Variants in CD72 observed in about 807,000 individuals in gnomAD.
The protein encoded by CD72 is B-cell differentiation antigen CD72.
Under a neutral mutation model 50.7 loss-of-function variants are expected in CD72, and 28 were observed. The observed-to-expected ratio is 0.55, with a 90% CI of 0.41 to 0.76. The LOEUF is 0.76. Ranked by LOEUF, CD72 falls within the 30% of genes least tolerant of loss-of-function variation. CD72 has a pLI of 0.00. For synonymous variants in CD72, 176 were observed against 171.2 expected (o/e 1.03, Z -0.22); for missense variants, 403 against 420.6 (o/e 0.96, Z 0.37).
intron 1 of CD72, among the ~76,000 whole-genome samples, chr9:35,644,104 T>C (rs543965243): frequency 7.4e-5 from 11 of 149,354 alleles, no homozygotes; most frequent in Non-Finnish European, 1.6e-4. Context: ...CCCAACACTT[T>C]GGGAGGCCAA....
intron 1 of CD72, among the ~76,000 whole-genome samples, chr9:35,636,630 G>C (rs1288922342): frequency 6.6e-6 from 1 of 152,228 alleles, no homozygotes; most frequent in Non-Finnish European, 1.5e-5. Flanking sequence ...CGCTTCCAAA[G>C]ACCCTCTTCA....
At position 35,611,882 on chromosome 9, in the gene CD72, C is replaced by G. The variant is rs1166019525; in HGVS notation, c.872G>C (p.Gly291Ala). The G allele has an allele frequency of 6.2e-7, 1 of 1,611,064 alleles. No individual in the cohort carries two copies. The highest frequency in any genetic ancestry group is 8.5e-7 in the Non-Finnish European group (1 of 1,177,324). ...AGTCCAATATGAATTCCCTGAACCA[C>G]CATTTGGCAACAGTGAATTTAAGAA... ...YYFLNSLLPN[G>A]GSGNSYWTGL... Residue 291 changes from glycine (G) to alanine (A), a missense_variant, in exon 7 of 9, where the codon GGT becomes GCT. Transcript: ENST00000259633.
At chr9:35,628,565 A>G (rs934252734) in intron 1 of CD72, among the ~76,000 whole-genome samples, 1 of 152,236 alleles carries the variant, frequency 6.6e-6, no homozygotes, top group African/African-American at 2.4e-5. Context: ...TGCCTCAGCC[A>G]TTTCTCCTCA....
In CD72 at chr9:35,635,115, A is replaced by G. The variant is rs938928731; in HGVS notation, n.408+11288T>C. On this transcript the variant is annotated intron_variant and non_coding_transcript_variant, in intron 1 of 3. Coordinates refer to the CD72 transcript ENST00000465754. The stretch of plus-strand genomic sequence containing the variant: ...CTTTTAACTTTCAGGGTTGCAGATG[A>G]GAAAAAATAACTTGCTTTCTGCCTT... 3.3e-5 allele frequency among the ~76,000 whole-genome samples: 5 copies of G among 152,322 alleles called. No homozygotes were observed. In the South Asian group the frequency reaches 6.2e-4, roughly 19 times the overall value.
At position 35,615,967 on chromosome 9, in the gene CD72, G is replaced by T; in HGVS notation, c.664C>A (p.Pro222Thr). 6.2e-7 allele frequency: 1 copy of T among 1,613,554 alleles called. No individual in the cohort carries two copies. The highest frequency in any genetic ancestry group is 1.3e-5 in the African/African-American group (1 of 74,850). Residue 222 changes from proline (P) to threonine (T), a missense_variant, in exon 5 of 9, where the codon CCC (proline) becomes ACC (threonine). By Grantham distance (38) the Pro-to-Thr change is conservative. Transcript: ENST00000259633. Reference sequence around the variant, plus strand: ...CCTGCTGAGCCGCATGTGAAGAAGGGCTTCAGTCTGTTCTCCATGTTGCTC... The same window carrying T: ...CCTGCTGAGCCGCATGTGAAGAAGGTCTTCAGTCTGTTCTCCATGTTGCTC... ...KLSNMENRLKPFFTCGSADTC... is the reference protein window; with the variant it reads ...KLSNMENRLKTFFTCGSADTC...
chr9:35,621,242 A>G (rs1481000712), upstream of CD72, among the ~76,000 whole-genome samples: 1 of 152,148 alleles, frequency 6.6e-6, no homozygotes, highest in Non-Finnish European at 1.5e-5. Flanking sequence ...GGCAGACACT[A>G]ACACCCATGT....
At chr9:35,622,289 T>G (rs2131775066), upstream of CD72, among the ~76,000 whole-genome samples, 1 of 152,334 alleles carries the variant, frequency 6.6e-6, no homozygotes, top group Admixed American at 6.5e-5. Flanking sequence ...TGGATTTCTT[T>G]GATCACTGAA....
intron 1 of CD72, among the ~76,000 whole-genome samples, chr9:35,636,689 G>A (rs900102280): frequency 2.6e-5 from 4 of 152,150 alleles, no homozygotes; most frequent in Non-Finnish European, 4.4e-5. Context: ...AGTGCCTCAC[G>A]CCTGTAATCC....
chr9:35,613,653 A>G (rs1388438036), intron 5 of CD72, among the ~76,000 whole-genome samples: 2 of 152,084 alleles, frequency 1.3e-5, no homozygotes, highest in African/African-American at 4.8e-5. Context: ...ACATATGCTC[A>G]TGTCCCCACC....
In CD72 at chr9:35,611,048, G is replaced by A. The variant is rs533970994; in HGVS notation, c.951-295C>T. On this transcript the variant is annotated intron_variant, in intron 7 of 8. Transcript: ENST00000259633. ...GGGTGGATCACAAGGTCAGGACATC[G>A]AGACCATCCTGACTAACACGGTGAA... is the stretch of plus-strand genomic sequence containing the variant. Among the ~76,000 whole-genome samples the A allele has an allele frequency of 9.2e-5, 14 of 152,272 alleles. No homozygotes were observed. In the East Asian group the frequency reaches 2.5e-3, roughly 27 times the overall value.
intron 1 of CD72, among the ~76,000 whole-genome samples, chr9:35,629,203 A>T (rs1171509029): frequency 6.6e-6 from 1 of 152,088 alleles, no homozygotes; most frequent in Non-Finnish European, 1.5e-5. Context: ...TTTAAGCTGC[A>T]TGTCCCTGAT....
chr9:35,611,371 G>T (rs1822981694), intron 7 of CD72, among the ~76,000 whole-genome samples: 1 of 152,168 alleles, frequency 6.6e-6, no homozygotes, highest in South Asian at 2.1e-4. Context: ...CAGTGAAGTG[G>T]AGCTTCGATG....
rs755095942 is a variant in CD72, at chr9:35,612,810, T to C, written c.834+38A>G. ...TGATGACATATGTCCCTTTACCTAA[T>C]AGTACCCACTGCAGTCTGTGAGTAA... On this transcript the variant is annotated intron_variant, in intron 6 of 8. Coordinates refer to ENST00000259633, the MANE Select transcript of CD72 (RefSeq NM_001782.3). 4 of 1,597,912 alleles carry C rather than the reference T, an allele frequency of 2.5e-6. No homozygotes were observed. In the African/African-American group the frequency reaches 4.0e-5, roughly 16 times the overall value.
Position 35,610,695 on chromosome 9 carries a change from G to C in CD72, c.1009C>G (p.Leu337Val), listed in dbSNP as rs775851464. 39 of 1,612,606 alleles carry C rather than the reference G, an allele frequency of 2.4e-5. No homozygotes were observed. The South Asian group carries it at 3.5e-4, about 15-fold the overall frequency. Residue 337 changes from leucine (L) to valine (V), a missense_variant, in exon 8 of 9, where the codon CTG becomes GTG. Transcript: ENST00000259633. ...GAACTTCTACATGACTCTGACTCCA[G>C]TGTCCACCATGACCAAGTTTTATGT... ...KVHKTWSWWTLESESCRSSLP... is the reference protein window; with the variant it reads ...KVHKTWSWWTVESESCRSSLP...
chr9:35,619,017 G>A (rs983110928), upstream of CD72, among the ~76,000 whole-genome samples: 4 of 152,222 alleles, frequency 2.6e-5, no homozygotes, highest in African/African-American at 9.7e-5. Flanking sequence ...AGCTTCCTAG[G>A]TGAAGTCAAG....
At chr9:35,645,546 C>T (rs1038764706) in intron 1 of CD72, among the ~76,000 whole-genome samples, 2 of 151,766 alleles carry the variant, frequency 1.3e-5, no homozygotes, top group African/African-American at 4.8e-5. Flanking sequence ...TGCACCACTG[C>T]ACTCCAGCTT....
intron 1 of CD72, among the ~76,000 whole-genome samples, chr9:35,627,945 C>T (rs1382147502): frequency 1.3e-5 from 2 of 152,096 alleles, no homozygotes; most frequent in African/African-American, 4.8e-5. Flanking sequence ...AAGTGACCCT[C>T]CCACCTTAGC....
chr9:35,610,424 C>G (rs1237518395), intron 8 of CD72, 124 bp from the exon 9 acceptor site: 1 of 363,642 alleles, frequency 2.7e-6, no homozygotes, highest in African/African-American at 2.1e-5. Flanking sequence ...GTAGGCCTTA[C>G]CTGTCCCTCC....
upstream of CD72, among the ~76,000 whole-genome samples, chr9:35,624,528 G>A (rs1478876493): frequency 6.6e-6 from 1 of 152,082 alleles, no homozygotes; most frequent in East Asian, 1.9e-4. Flanking sequence ...CATACTTAGT[G>A]GGGAGCGATT....
Sources: gnomAD v4.1 joint callset for allele counts (sites outside exome capture counted in the v4.1 genomes callset) on GRCh38, gnomAD v4.1.1 for gene constraint, MANE v1.5 for transcripts, NCBI Gene and HGNC (gene_info 2026-07-23, HGNC 2026-07-21) for gene names.